The following SLC7A10 variants were observed in gnomAD, a reference collection of about 807,000 sequenced individuals.
The protein encoded by SLC7A10 is asc-type amino acid transporter 1.
In SLC7A10, 30 loss-of-function variants were observed where a neutral mutation model predicts 52.7. That is an observed-to-expected ratio of 0.57 (90% CI 0.43 to 0.77). The LOEUF (loss-of-function observed/expected upper bound fraction) is 0.77, where lower values mean the gene tolerates loss of function less well. Ranked by LOEUF, SLC7A10 falls within the 30% of genes least tolerant of loss-of-function variation. The pLI, the probability that SLC7A10 is intolerant of heterozygous loss-of-function variation, is 0.00. For synonymous variants in SLC7A10, 318 were observed against 314.9 expected, an observed-to-expected ratio of 1.01 and a Z score of -0.10; for missense variants, 581 against 698.5, an observed-to-expected ratio of 0.83 and a Z score of 1.90.
At chr19:33,218,967 C>A (rs1186167367) in intron 1 of SLC7A10, among the ~76,000 whole-genome samples, 4 of 151,806 alleles carry the variant, frequency 2.6e-5, no homozygotes. Context: ...GTTGGGGGAA[C>A]CTGGTTTAGA....
rs1238477494 is a variant in SLC7A10, at chr19:33,225,639, G to A, written c.65C>T (p.Pro22Leu). 1.9e-6 allele frequency: 3 copies of A among 1,587,420 alleles called. No individual in the cohort carries two copies. The South Asian group carries it at 3.4e-5, about 18-fold the overall frequency. The change falls in exon 1 of 11, where the codon CCA becomes CTA. Residue 22 changes from proline to leucine, a missense_variant. Pro to Leu is a moderately conservative substitution (Grantham distance 98). Coordinates refer to ENST00000253188, the MANE Select transcript of SLC7A10 (RefSeq NM_019849.3). ...GGCGCCGGGGACGGTCCCTGGGACT[G>A]GGGAGGGCGAGGGCGCAGGCCTGGG... Reference protein sequence around the residue: ...GNPRPAPSPSPVPGTVPGASE... With the variant: ...GNPRPAPSPSLVPGTVPGASE...
intron 2 of SLC7A10, among the ~76,000 whole-genome samples, chr19:33,215,559 C>T (rs564757537): frequency 1.4e-5 from 2 of 139,748 alleles, no homozygotes; most frequent in Admixed American, 7.9e-5. Context: ...TTCCACCTGC[C>T]CTGTCCTCAG....
intron 1 of SLC7A10, among the ~76,000 whole-genome samples, chr19:33,219,257 GC>G (rs1434267060): frequency 6.6e-6 from 1 of 152,196 alleles, no homozygotes; most frequent in Non-Finnish European, 1.5e-5. Context: ...TCGCTGGGTA[GC>G]TTTTATCACA....
At position 33,210,743 on chromosome 19, in the gene SLC7A10, C is replaced by T; in HGVS notation, c.1113+59G>A. The T allele has an allele frequency of 6.2e-7, 1 of 1,608,788 alleles. No individual in the cohort carries two copies. Among genetic ancestry groups the T allele is most frequent in the Non-Finnish European group, 8.5e-7 (1 of 1,176,620 alleles). Reference sequence around the variant, plus strand: ...TCACCCCTGCCATTACCCGGAAGGTCCTGCATTGCCGGGTAGCCCTGCCTC... The same window carrying T: ...TCACCCCTGCCATTACCCGGAAGGTTCTGCATTGCCGGGTAGCCCTGCCTC... On this transcript the variant is annotated intron_variant, in intron 8 of 10. Transcript: ENST00000253188. This position sits in a 1 kb window ranked among gnomAD's most constrained non-coding sequence, Gnocchi z 5.6.
At chr19:33,219,396 CAG>C (rs1447159172) in intron 1 of SLC7A10, among the ~76,000 whole-genome samples, 1 of 152,236 alleles carries the variant, frequency 6.6e-6, no homozygotes, top group Non-Finnish European at 1.5e-5. Flanking sequence ...ACTGAGGTCA[CAG>C]GGGCGGCCCA....
Position 33,209,485 on chromosome 19 carries a change from C to T in SLC7A10, c.1264G>A (p.Val422Met), listed in dbSNP as rs1196338728. The change falls in exon 10 of 11, where the codon GTG (valine) becomes ATG (methionine). Residue 422 changes from valine (V) to methionine (M), a missense_variant and splice_region_variant. Physicochemically the swap from Val to Met is conservative, Grantham distance 21. Transcript: ENST00000253188. ...RRPALHRPIK[V>M]NLLIPVAYLV... ...TACGCCACGGGGATGAGAAGGTTCACCTGGGGAAGGGGGAGCAGAAACACC... is the reference window on the plus strand; with the variant it reads ...TACGCCACGGGGATGAGAAGGTTCATCTGGGGAAGGGGGAGCAGAAACACC... 3 of 1,613,752 alleles carry T rather than the reference C, an allele frequency of 1.9e-6. No homozygotes were observed. In the Admixed American group the frequency reaches 5.0e-5, roughly 27 times the overall value.
rs529814642 is a variant in SLC7A10, at chr19:33,210,149, T to C, written c.1263+318A>G. Among the ~76,000 whole-genome samples the C allele has an allele frequency of 6.6e-6, 1 of 152,142 alleles. No homozygotes were observed. The highest frequency in any genetic ancestry group is 2.4e-5 in the African/African-American group (1 of 41,446). On this transcript the variant is annotated intron_variant, in intron 9 of 10. Coordinates refer to ENST00000253188, the MANE Select transcript of SLC7A10 (RefSeq NM_019849.3). This position sits in a 1 kb window ranked among gnomAD's most constrained non-coding sequence, Gnocchi z 5.6. ...TTTTTGCAGAGAGGAAGTCTCGTTA[T>C]GTTGCCCAGGCTGGTCTCAAACTCC...
At chr19:33,214,743 T>C (rs1197630326) in intron 2 of SLC7A10, among the ~76,000 whole-genome samples, 1 of 152,230 alleles carries the variant, frequency 6.6e-6, no homozygotes, top group Non-Finnish European at 1.5e-5. Context: ...CCTCCCTAGA[T>C]GGCGCACACC....
chr19:33,223,222 T>A (rs1030568124), intron 1 of SLC7A10, among the ~76,000 whole-genome samples: 20 of 148,462 alleles, frequency 1.3e-4, no homozygotes, highest in Non-Finnish European at 3.0e-4. Context: ...GCAGGAGAAT[T>A]ACTTGAACCC....
At chr19:33,216,001 A>G in intron 1 of SLC7A10, 28 bp from the exon 2 acceptor site, 2 of 1,540,016 alleles carry the variant, frequency 1.3e-6, no homozygotes, top group Admixed American at 1.9e-5. Flanking sequence ...GGGAGGCATC[A>G]GGCCTGGGGT....
chr19:33,225,493 G>C (rs1974902661), intron 1 of SLC7A10, 60 bp downstream of exon 1: 3 of 1,580,500 alleles, frequency 1.9e-6, no homozygotes, highest in East Asian at 4.5e-5. Context: ...CCCTCGTTCG[G>C]AGCGGCTGCG....
Position 33,225,567 on chromosome 19 carries a change from C to G in SLC7A10, c.137G>C (p.Cys46Ser). 1 of 1,596,590 alleles carries G rather than the reference C, an allele frequency of 6.3e-7. No individual in the cohort carries two copies. Among genetic ancestry groups the G allele is most frequent in the Non-Finnish European group, 8.5e-7 (1 of 1,179,314 alleles). The change falls in exon 1 of 11, where the codon TGC becomes TCC. Residue 46 changes from cysteine (C) to serine (S), a missense_variant. Physicochemically the swap from Cys to Ser is moderately radical, Grantham distance 112. Coordinates refer to ENST00000253188, the MANE Select transcript of SLC7A10 (RefSeq NM_019849.3). ...LKKEIGLLSA[C>S]TIIIGNIIGS... ...GTCCCGCTCACCGATGATGATGGTG[C>G]AGGCGCTCAGCAGCCCGATCTCCTT...
rs1337787846 is a variant in SLC7A10 at position 33,209,000 on chromosome 19, T to C, written c.1463A>G (p.Gln488Arg). 3.7e-6 allele frequency: 6 copies of C among 1,613,672 alleles called. No individual in the cohort carries two copies. Among genetic ancestry groups the C allele is most frequent in the Non-Finnish European group, 5.1e-6 (6 of 1,180,032 alleles). Residue 488 changes from glutamine (Q) to arginine (R), a missense_variant, in exon 11 of 11, where the codon CAG becomes CGG. By Grantham distance (43) the Gln-to-Arg change is conservative (BLOSUM62 1). Transcript: ENST00000253188. The surrounding 1 kb of genome is among the most constrained non-coding windows in gnomAD (Gnocchi z 4.7). Reference protein sequence around the residue: ...RLTESMTHWGQELCFVVYPQD... With the variant: ...RLTESMTHWGRELCFVVYPQD... ...GGGGTAGACCACGAAACACAGCTCC[T>C]GGCCCCAGTGTGTCATGGACTCTGA...
At chr19:33,220,145 G>C (rs1238657425) in intron 1 of SLC7A10, 1 of 152,248 alleles carries the variant, frequency 6.6e-6, no homozygotes, top group African/African-American at 2.4e-5. Context: ...TGACTACTGA[G>C]GTCTGGGCAG....
Position 33,208,959 on chromosome 19 carries a change from C to A in SLC7A10, c.1504G>T (p.Glu502Ter), listed in dbSNP as rs753384072. 1 of 1,613,850 alleles carries A rather than the reference C, an allele frequency of 6.2e-7. No individual in the cohort carries two copies. The highest frequency in any genetic ancestry group is 8.5e-7 in the Non-Finnish European group (1 of 1,180,034). ...GGTGGGCAGGGGCCATTCTCCTCCTCTTCGGGGGCGTCCTGGGGGTAGACC... is the reference window on the plus strand; with the variant it reads ...GGTGGGCAGGGGCCATTCTCCTCCTATTCGGGGGCGTCCTGGGGGTAGACC... ...FVVYPQDAPE[E>*]EENGPCPPSL... The change falls in exon 11 of 11, where the codon GAG (glutamate) becomes TAG (stop). Residue 502 changes from glutamate to a stop codon, truncating the protein, a stop_gained. Coordinates refer to ENST00000253188, the MANE Select transcript of SLC7A10 (RefSeq NM_019849.3). LOFTEE classifies it high-confidence loss of function. This position sits in a 1 kb window ranked among gnomAD's most constrained non-coding sequence, Gnocchi z 4.7.
intron 1 of SLC7A10, chr19:33,220,852 C>G (rs1255614575): frequency 6.6e-6 from 1 of 152,226 alleles, no homozygotes; most frequent in Non-Finnish European, 1.5e-5. Context: ...ACCCATGGTT[C>G]CTCTCTTTCT....
Position 33,211,509 on chromosome 19 carries a change from T to C in SLC7A10, c.817A>G (p.Ile273Val), listed in dbSNP as rs1974553587. 1 of 1,613,926 alleles carries C rather than the reference T, an allele frequency of 6.2e-7. No individual in the cohort carries two copies. Among genetic ancestry groups the C allele is most frequent in the Non-Finnish European group, 8.5e-7 (1 of 1,179,966 alleles). Residue 273 changes from isoleucine (I) to valine (V), a missense_variant, in exon 6 of 11, where the codon ATC (isoleucine) becomes GTC (valine). By Grantham distance (29) the Ile-to-Val change is conservative (BLOSUM62 3). Coordinates refer to ENST00000253188, the MANE Select transcript of SLC7A10 (RefSeq NM_019849.3). ...KNLPRAIFIS[I>V]PLVTFVYTFT... is the part of the protein sequence containing the mutation. ...GTGTACACGAAGGTCACCAGTGGGATGGAGATGAAGATGGCGCGAGGTAGG... is the reference window on the plus strand; with the variant it reads ...GTGTACACGAAGGTCACCAGTGGGACGGAGATGAAGATGGCGCGAGGTAGG...
chr19:33,211,605 C>G (rs888110673), intron 5 of SLC7A10, 68 bp from the exon 6 acceptor site: 2 of 1,611,544 alleles, frequency 1.2e-6, no homozygotes, highest in Non-Finnish European at 1.7e-6. Context: ...GACCCAGCCA[C>G]GAGAGCAGCT....
chr19:33,224,904 A>G lies in SLC7A10; in HGVS notation c.151+649T>C, dbSNP rs370619794. Among the ~76,000 whole-genome samples the G allele has an allele frequency of 1.2e-3, 177 of 152,332 alleles. 3 individuals are homozygous for G. The highest frequency in any genetic ancestry group is 6.8e-3 in the Middle Eastern group (2 of 294). On this transcript the variant is annotated intron_variant, in intron 1 of 10. Coordinates refer to ENST00000253188, the MANE Select transcript of SLC7A10 (RefSeq NM_019849.3). ...CCACCAGGATCCCAGCTCAGGGAGC[A>G]GCTGGCCTTCTGCAGGCTGGGTCTG...
Sources: gnomAD v4.1 joint callset for allele counts (sites outside exome capture counted in the v4.1 genomes callset) on GRCh38, gnomAD v4.1.1 for gene constraint, Gnocchi (gnomAD v3.1) non-coding constraint, MANE v1.5 for transcripts, NCBI Gene and HGNC (gene_info 2026-07-23, HGNC 2026-07-21) for gene names.